KPNA4: variants seen among roughly 807,000 people sequenced by gnomAD.
The protein encoded by KPNA4 is importin subunit alpha-3.
In KPNA4, 13 loss-of-function variants were observed where a neutral mutation model predicts 71.3. The ratio of observed to expected loss-of-function variants is 0.18; its 90% confidence interval spans 0.12 to 0.29. The LOEUF (loss-of-function observed/expected upper bound fraction) is 0.29, where lower values mean the gene tolerates loss of function less well. Among genes scored for constraint, KPNA4 ranks in the 10% least tolerant of loss-of-function variants. KPNA4 has a pLI of 1.00. For missense variants in KPNA4, 334 were observed against 603.2 expected, an observed-to-expected ratio of 0.55 and a Z score of 4.67; for synonymous variants, 189 against 195.2, an observed-to-expected ratio of 0.97 and a Z score of 0.26.
intron 12 of KPNA4, chr3:160,515,015 A>G (rs1229611164): frequency 3.9e-6 from 2 of 519,258 alleles, no homozygotes; most frequent in South Asian, 2.8e-5. Context: ...GTTGTAATCA[A>G]CAACCCATGT....
Position 160,515,580 on chromosome 3 carries a change from T to C in KPNA4, c.904A>G (p.Thr302Ala). 1 of 1,612,414 alleles carries C rather than the reference T, an allele frequency of 6.2e-7. No individual in the cohort carries two copies. The highest frequency in any genetic ancestry group is 8.5e-7 in the Non-Finnish European group (1 of 1,179,278). Residue 302 changes from threonine (T) to alanine (A), a missense_variant and splice_region_variant, in exon 12 of 17, where the codon ACT becomes GCT. By Grantham distance (58) the Thr-to-Ala change is moderately conservative (BLOSUM62 0). Coordinates refer to ENST00000334256, the MANE Select transcript of KPNA4 (RefSeq NM_002268.5). ...LLSHQEVKVQ[T>A]AALRAVGNIV... is the part of the protein sequence containing the mutation. ...TTGCCCACAGCTCTAAGTGCAGCAG[T>C]CTGAAATGCACAATGAGATGACATT... is the stretch of plus-strand genomic sequence containing the variant.
intron 13 of KPNA4, among the ~76,000 whole-genome samples, chr3:160,511,600 ATTT>A (rs975683358): frequency 1.3e-5 from 2 of 152,118 alleles, no homozygotes; most frequent in Admixed American, 6.5e-5. Context: ...TGGGACTGAC[ATTT>A]TTTTAAGTAC....
In KPNA4 at chr3:160,531,537, C is replaced by T. The variant is rs765202780; in HGVS notation, c.308G>A (p.Arg103Gln). The T allele has an allele frequency of 8.8e-6, 14 of 1,584,532 alleles. No individual in the cohort carries two copies. The highest frequency in any genetic ancestry group is 2.4e-5 in the South Asian group (2 of 83,396). Reference protein sequence around the residue: ...QAARKLLSSDRNPPIDDLIKS... With the variant: ...QAARKLLSSDQNPPIDDLIKS... ...TATTAAGTCATCAATTGGTGGATTT[C>T]GATCACTGGACAAAAGCTTCCTGTA... The change falls in exon 6 of 17, where the codon CGA becomes CAA. Residue 103 changes from arginine to glutamine, a missense_variant. Arg to Gln is a conservative substitution (Grantham distance 43). Transcript: ENST00000334256.
chr3:160,552,388 G>C (rs1722057927), intron 1 of KPNA4, among the ~76,000 whole-genome samples: 1 of 151,836 alleles, frequency 6.6e-6, no homozygotes, highest in Admixed American at 6.6e-5. Flanking sequence ...TTCTAATTTA[G>C]TTACTAATTC....
At chr3:160,538,097 C>T (rs1304949662) in intron 1 of KPNA4, among the ~76,000 whole-genome samples, 1 of 150,036 alleles carries the variant, frequency 6.7e-6, no homozygotes, top group Non-Finnish European at 1.5e-5. Flanking sequence ...TAAATACAGA[C>T]ACACACACAC....
chr3:160,499,022 T>C lies in KPNA4; in HGVS notation c.*3082A>G, dbSNP rs1446113674. 6.6e-6 allele frequency: 1 copy of C among 152,190 alleles called. No homozygotes were observed. The highest frequency in any genetic ancestry group is 1.5e-5 in the Non-Finnish European group (1 of 68,038). The allele number at this position is 152,190 out of a possible 1,614,324, so 9.4% of individuals were successfully genotyped here. On this transcript the variant is annotated 3_prime_UTR_variant, in exon 17 of 17. Coordinates refer to ENST00000334256, the MANE Select transcript of KPNA4 (RefSeq NM_002268.5). ...TACAATAAACCCAGTCATTTTACAA[T>C]GCAGTTATACCTTTAAAGAAACAAA...
chr3:160,520,357 T>G lies in KPNA4; in HGVS notation c.903+1422A>C, dbSNP rs531282480. On this transcript the variant is annotated intron_variant, in intron 11 of 16. Transcript: ENST00000334256. ...ACCTCTGCCTCCTGGGTTCAAGTGA[T>G]TCCCCTGCCTCAGCCTCCCGAGTAG... 5.9e-5 allele frequency among the ~76,000 whole-genome samples: 9 copies of G among 151,948 alleles called. 1 individual carries two copies. The South Asian group carries it at 1.9e-3, about 32-fold the overall frequency.
rs941072960 is a variant in KPNA4, at chr3:160,565,520, G to T, written c.-238C>A. 1 of 543,026 alleles carries T rather than the reference G, an allele frequency of 1.8e-6. No homozygotes were observed. The highest frequency in any genetic ancestry group is 3.2e-6 in the Non-Finnish European group (1 of 309,578). 33.6% of individuals were successfully genotyped at this position (543,026 alleles called of 1,614,324 possible). On this transcript the variant is annotated 5_prime_UTR_variant, in exon 1 of 17. Coordinates refer to ENST00000334256, the MANE Select transcript of KPNA4 (RefSeq NM_002268.5). ...AAAGACAACTGTGGGGCCGGGCGGC[G>T]GCAAGGCGACGGAATGTGCTGCCGG...
rs552655734 is a variant in KPNA4 at position 160,548,967 on chromosome 3, T to A, written c.70-12127A>T. Reference sequence around the variant, plus strand: ...CAACAGTTATTTTGTTTTTGTTGTTTTGATAGTAGTCATCTTAATGGGTGG... The same window carrying A: ...CAACAGTTATTTTGTTTTTGTTGTTATGATAGTAGTCATCTTAATGGGTGG... On this transcript the variant is annotated intron_variant, in intron 1 of 16. Coordinates refer to ENST00000334256, the MANE Select transcript of KPNA4 (RefSeq NM_002268.5). Among the ~76,000 whole-genome samples the A allele has an allele frequency of 1.1e-4, 16 of 152,362 alleles. No homozygotes were observed. In the South Asian group the frequency reaches 2.7e-3, roughly 26 times the overall value.
At chr3:160,517,779 C>G (rs2108547226) in intron 11 of KPNA4, among the ~76,000 whole-genome samples, 1 of 151,088 alleles carries the variant, frequency 6.6e-6, no homozygotes, top group Middle Eastern at 3.4e-3. Flanking sequence ...CCTGCTTACT[C>G]AAATATTTTG....
Position 160,526,364 on chromosome 3 carries a change from T to TC in KPNA4, c.557-258dup, listed in dbSNP as rs529403994. Among the ~76,000 whole-genome samples the TC allele has an allele frequency of 3.0e-3, 457 of 152,326 alleles. 11 individuals are homozygous for TC. The highest frequency in any genetic ancestry group is 6.3e-4 in the Non-Finnish European group (43 of 68,030). On this transcript the variant is annotated intron_variant, in intron 8 of 16. Coordinates refer to ENST00000334256, the MANE Select transcript of KPNA4 (RefSeq NM_002268.5). ...CTTAATTAAACTGCTGCTTTTAACT[T>TC]CTCTCTCAACAATACTCTTGGTTTA...
At chr3:160,505,606 A>G (rs1388671826) in intron 15 of KPNA4, among the ~76,000 whole-genome samples, 2 of 152,140 alleles carry the variant, frequency 1.3e-5, no homozygotes, top group East Asian at 1.9e-4. Context: ...TATATACTTA[A>G]CTTGTTGATA....
At position 160,497,524 on chromosome 3, in the gene KPNA4, T is replaced by TATTA. The variant is rs565937563; in HGVS notation, c.*4576_*4579dup. ...TACATATATATTTAAAAGCATACTT[T>TATTA]ATTAATGTGCTTATTAAAAAGTTTA... On this transcript the variant is annotated 3_prime_UTR_variant, in exon 17 of 17. Coordinates refer to ENST00000334256, the MANE Select transcript of KPNA4 (RefSeq NM_002268.5). 6.8e-4 allele frequency: 103 copies of TATTA among 152,336 alleles called. No individual in the cohort carries two copies. Among genetic ancestry groups the TATTA allele is most frequent in the Non-Finnish European group, 1.2e-3 (85 of 68,028 alleles). The allele number at this position is 152,336 out of a possible 1,614,324, so 9.4% of individuals were successfully genotyped here.
chr3:160,542,763 A>G (rs1202527497), intron 1 of KPNA4, among the ~76,000 whole-genome samples: 1 of 151,898 alleles, frequency 6.6e-6, no homozygotes, highest in Non-Finnish European at 1.5e-5. Flanking sequence ...GCATAAGTGA[A>G]GAGAAGTCTG....
intron 7 of KPNA4, among the ~76,000 whole-genome samples, chr3:160,530,089 C>T (rs1034982188): frequency 5.6e-5 from 8 of 142,550 alleles, no homozygotes; most frequent in Non-Finnish European, 7.5e-5. Context: ...GAGCCGAGAT[C>T]GCATCACTGC....
intron 1 of KPNA4, 26 bp downstream of exon 1, chr3:160,565,188 C>T (rs781328206): frequency 2.5e-6 from 4 of 1,586,204 alleles, no homozygotes; most frequent in Admixed American, 3.4e-5. Context: ...CAGCCCCCAC[C>T]CCTCCGGCGT....
At chr3:160,519,825 A>T (rs1367428817) in intron 11 of KPNA4, among the ~76,000 whole-genome samples, 2 of 141,030 alleles carry the variant, frequency 1.4e-5, no homozygotes, top group Non-Finnish European at 3.1e-5. Context: ...AAAAAAAAAA[A>T]ATAGGCTTAA....
chr3:160,535,750 A>C, intron 3 of KPNA4, 58 bp downstream of exon 3: 1 of 1,567,064 alleles, frequency 6.4e-7, no homozygotes, highest in South Asian at 1.2e-5. Flanking sequence ...TCTCTTATTA[A>C]TGTGAAATCT....
chr3:160,564,232 C>G (rs545346258), intron 1 of KPNA4: 1 of 152,026 alleles, frequency 6.6e-6, no homozygotes, highest in South Asian at 2.1e-4. Context: ...TTAACCCATA[C>G]ACCTTATGTA....
Sources: gnomAD v4.1 joint callset for allele counts (sites outside exome capture counted in the v4.1 genomes callset) on GRCh38, gnomAD v4.1.1 for gene constraint, MANE v1.5 for transcripts, NCBI Gene and HGNC (gene_info 2026-07-23, HGNC 2026-07-21) for gene names.